Variants in SEMA6D observed in about 807,000 individuals in gnomAD.
SEMA6D encodes the protein semaphorin 6D.
SEMA6D carries 35 observed loss-of-function variants against 106.6 expected under a neutral mutation model. The ratio of observed to expected loss-of-function variants is 0.33; its 90% confidence interval spans 0.25 to 0.44. The LOEUF (loss-of-function observed/expected upper bound fraction) is 0.44, where lower values mean the gene tolerates loss of function less well. Among genes scored for constraint, SEMA6D ranks in the 20% least tolerant of loss-of-function variants. The probability of loss-of-function intolerance (pLI) is 1.00; values close to 1 mark genes in which losing one functional copy is unlikely to be tolerated. For synonymous variants in SEMA6D, 499 were observed against 487.7 expected, an observed-to-expected ratio of 1.02 and a Z score of -0.31; for missense variants, 1,185 against 1,345.9, an observed-to-expected ratio of 0.88 and a Z score of 1.87.
intron 1 of SEMA6D, among the ~76,000 whole-genome samples, chr15:47,192,846 G>C (rs1319772413): frequency 1.3e-5 from 2 of 152,184 alleles, no homozygotes; most frequent in African/African-American, 4.8e-5. Context: ...ACTGAATAGA[G>C]ACAATAGAAA....
At chr15:47,606,183 A>G (rs1336683503) in intron 4 of SEMA6D, 1 of 152,172 alleles carries the variant, frequency 6.6e-6, no homozygotes, top group Non-Finnish European at 1.5e-5. Flanking sequence ...GGCCAGTTAG[A>G]GCTGGCAGAG....
intron 1 of SEMA6D, among the ~76,000 whole-genome samples, chr15:47,375,762 C>T (rs2039427268): frequency 6.6e-6 from 1 of 151,994 alleles, no homozygotes. Context: ...TAGTTTTATT[C>T]CACTAATAAA....
intron 3 of SEMA6D, among the ~76,000 whole-genome samples, chr15:47,542,768 G>A (rs1472935754): frequency 6.6e-6 from 1 of 152,176 alleles, no homozygotes; most frequent in African/African-American, 2.4e-5. Flanking sequence ...GTGGCTTTGG[G>A]GGAAACATGC....
At chr15:47,740,316 C>T (rs1439447131) in intron 1 of SEMA6D, among the ~76,000 whole-genome samples, 1 of 151,998 alleles carries the variant, frequency 6.6e-6, no homozygotes, top group East Asian at 1.9e-4. Flanking sequence ...GTCAAGAGAT[C>T]GAGACCATCC....
chr15:47,735,061 A>G (rs993525766), intron 1 of SEMA6D, among the ~76,000 whole-genome samples: 1 of 152,216 alleles, frequency 6.6e-6, no homozygotes, highest in Non-Finnish European at 1.5e-5. Flanking sequence ...CTTAAAAAAA[A>G]ATCTATAGCC....
chr15:47,202,031 G>T (rs1254258711), intron 1 of SEMA6D, among the ~76,000 whole-genome samples: 1 of 151,942 alleles, frequency 6.6e-6, no homozygotes, highest in East Asian at 1.9e-4. Context: ...TTGGGAAATT[G>T]CTTGGCCTCA....
intron 4 of SEMA6D, among the ~76,000 whole-genome samples, chr15:47,663,467 G>C (rs1345065975): frequency 6.6e-6 from 1 of 152,132 alleles, no homozygotes; most frequent in African/African-American, 2.4e-5. Flanking sequence ...ATTTTGCTTT[G>C]TTTTGTTTCT....
intron 1 of SEMA6D, among the ~76,000 whole-genome samples, chr15:47,722,826 C>T (rs975766274): frequency 6.6e-6 from 1 of 152,212 alleles, no homozygotes; most frequent in African/African-American, 2.4e-5. Flanking sequence ...TTACTAAATT[C>T]TAGGCACCGT....
At chr15:47,626,341 G>A (rs1481791144) in intron 4 of SEMA6D, among the ~76,000 whole-genome samples, 2 of 152,194 alleles carry the variant, frequency 1.3e-5, no homozygotes, top group African/African-American at 2.4e-5. Context: ...TTATGAGAAT[G>A]TGAGTTCCCT....
At chr15:47,187,085 A>G (rs767383658) in intron 1 of SEMA6D, among the ~76,000 whole-genome samples, 4 of 152,306 alleles carry the variant, frequency 2.6e-5, no homozygotes, top group South Asian at 4.1e-4. Context: ...ACTCTTCCAC[A>G]TGAAGAATGA....
chr15:47,273,937 T>G (rs1049642715), intron 1 of SEMA6D, among the ~76,000 whole-genome samples: 1 of 152,186 alleles, frequency 6.6e-6, no homozygotes, highest in Admixed American at 6.6e-5. Context: ...CCTGCTGTTT[T>G]TTTCTCACAG....
At chr15:47,574,535 C>T (rs1442732913) in intron 3 of SEMA6D, among the ~76,000 whole-genome samples, 1 of 152,060 alleles carries the variant, frequency 6.6e-6, no homozygotes, top group Non-Finnish European at 1.5e-5. Flanking sequence ...GAACCCTCAG[C>T]AAGAATTTAG....
chr15:47,591,440 C>G (rs1431969632), intron 3 of SEMA6D, among the ~76,000 whole-genome samples: 2 of 152,154 alleles, frequency 1.3e-5, no homozygotes, highest in Non-Finnish European at 2.9e-5. Context: ...ATGATAAGAA[C>G]TGCTGGGGCC....
chr15:47,686,647 C>G (rs2145683737), intron 4 of SEMA6D, among the ~76,000 whole-genome samples: 1 of 152,310 alleles, frequency 6.6e-6, no homozygotes, highest in South Asian at 2.1e-4. Flanking sequence ...CCTCTCGGGC[C>G]CTCCAACACT....
intron 4 of SEMA6D, among the ~76,000 whole-genome samples, chr15:47,688,962 A>G (rs2078528057): frequency 6.6e-6 from 1 of 152,244 alleles, no homozygotes; most frequent in South Asian, 2.1e-4. Flanking sequence ...TGGCAAAGAC[A>G]GTGTAAACCA....
intron 1 of SEMA6D, among the ~76,000 whole-genome samples, chr15:47,210,848 C>T (rs1379770717): frequency 1.3e-5 from 2 of 149,910 alleles, no homozygotes; most frequent in Non-Finnish European, 3.0e-5. Context: ...AACCTTTCAT[C>T]GGTAATACTA....
intron 1 of SEMA6D, among the ~76,000 whole-genome samples, chr15:47,219,495 G>T (rs192976249): frequency 1.3e-4 from 20 of 152,194 alleles, no homozygotes; most frequent in Admixed American, 2.0e-4. Context: ...GTTCTACCTG[G>T]GTCTCTGTTT....
At chr15:47,577,587 T>C (rs1306512889) in intron 3 of SEMA6D, among the ~76,000 whole-genome samples, 1 of 152,212 alleles carries the variant, frequency 6.6e-6, no homozygotes, top group Non-Finnish European at 1.5e-5. Flanking sequence ...CTCGAGGGAC[T>C]GAAGGTGCCC....
intron 4 of SEMA6D, among the ~76,000 whole-genome samples, chr15:47,648,047 A>G (rs2077614683): frequency 6.6e-6 from 1 of 152,242 alleles, no homozygotes. Context: ...ATTTATATGT[A>G]ATATACACCC....
Sources: gnomAD v4.1 joint callset for allele counts (sites outside exome capture counted in the v4.1 genomes callset) on GRCh38, gnomAD v4.1.1 for gene constraint, MANE v1.5 for transcripts, NCBI Gene and HGNC (gene_info 2026-07-23, HGNC 2026-07-21) for gene names.